The following ADARB2 variants were observed in gnomAD, a reference collection of about 807,000 sequenced individuals.
The protein encoded by ADARB2 is inactive double-stranded RNA-specific editase B2.
Under a neutral mutation model 62.2 loss-of-function variants are expected in ADARB2, and 25 were observed. That is an observed-to-expected ratio of 0.40 (90% CI 0.29 to 0.56). ADARB2 has a LOEUF of 0.56. Ranked by LOEUF, ADARB2 falls within the 20% of genes least tolerant of loss-of-function variation. The pLI is 0.43. For missense variants in ADARB2, 1,071 were observed against 1,077.4 expected, an observed-to-expected ratio of 0.99 and a Z score of 0.08; for synonymous variants, 572 against 500.8, an observed-to-expected ratio of 1.14 and a Z score of -1.90.
intron 1 of ADARB2, among the ~76,000 whole-genome samples, chr10:1,486,513 T>A (rs1202925950): frequency 6.6e-6 from 1 of 152,198 alleles, no homozygotes; most frequent in Non-Finnish European, 1.5e-5. Context: ...CCAGAGTTAA[T>A]CAAGCTAGGT....
In ADARB2 at chr10:1,177,986, C is replaced by A. The variant is rs1466773423; in HGVS notation, c.*5207G>T. The A allele has an allele frequency of 3.3e-5, 5 of 152,198 alleles. No homozygotes were observed. The highest frequency in any genetic ancestry group is 7.3e-5 in the Non-Finnish European group (5 of 68,056). The allele number at this position is 152,198 out of a possible 1,614,324, so 9.4% of individuals were successfully genotyped here. On this transcript the variant is annotated 3_prime_UTR_variant, in exon 10 of 10. Transcript: ENST00000381312. ...GCCGGTCTCAAAAAAGTAAATAGAT[C>A]TCTAGAGATGTGGCCACCAGCGTTC...
At chr10:1,413,750 C>T (rs1220073240) in intron 1 of ADARB2, among the ~76,000 whole-genome samples, 5 of 152,168 alleles carry the variant, frequency 3.3e-5, no homozygotes, top group Non-Finnish European at 7.3e-5. Context: ...GATGATGCTC[C>T]CGGGCACAAT....
chr10:1,644,171 A>G (rs999872583), intron 1 of ADARB2, among the ~76,000 whole-genome samples: 3 of 152,204 alleles, frequency 2.0e-5, no homozygotes, highest in Non-Finnish European at 4.4e-5. Context: ...CTCAAGGATA[A>G]TTTTTAAATG....
chr10:1,648,823 G>A (rs558177778), intron 1 of ADARB2, among the ~76,000 whole-genome samples: 2 of 152,238 alleles, frequency 1.3e-5, no homozygotes, highest in East Asian at 3.9e-4. Flanking sequence ...ATCTTCCATG[G>A]GGTAGGCCAT....
chr10:1,615,079 G>C (rs183409340), intron 1 of ADARB2, among the ~76,000 whole-genome samples: 1 of 152,248 alleles, frequency 6.6e-6, no homozygotes, highest in East Asian at 1.9e-4. Context: ...AGCAAACAAA[G>C]TTACTTCTGT....
intron 1 of ADARB2, among the ~76,000 whole-genome samples, chr10:1,515,995 A>T (rs1378506048): frequency 1.3e-5 from 2 of 152,168 alleles, no homozygotes; most frequent in Non-Finnish European, 2.9e-5. Flanking sequence ...TTGCCTCCAT[A>T]TCTGTGGGCA....
chr10:1,589,250 C>A (rs1020817327), intron 1 of ADARB2, among the ~76,000 whole-genome samples: 1 of 152,234 alleles, frequency 6.6e-6, no homozygotes, highest in Non-Finnish European at 1.5e-5. Flanking sequence ...ACCTACCCAC[C>A]TTCAGCCTGA....
chr10:1,521,392 A>C (rs1832072468), intron 1 of ADARB2, among the ~76,000 whole-genome samples: 1 of 152,164 alleles, frequency 6.6e-6, no homozygotes, highest in African/African-American at 2.4e-5. Flanking sequence ...TTATATACAT[A>C]TTCCCTATGT....
At chr10:1,592,483 C>T (rs1418507334) in intron 1 of ADARB2, among the ~76,000 whole-genome samples, 5 of 19,910 alleles carry the variant, frequency 2.5e-4, no homozygotes, top group Non-Finnish European at 6.3e-4. Context: ...TCCTCTCTGG[C>T]ATGGTCCCCT....
intron 1 of ADARB2, among the ~76,000 whole-genome samples, chr10:1,624,798 T>TA (rs1326266733): frequency 6.6e-6 from 1 of 152,042 alleles, no homozygotes; most frequent in Non-Finnish European, 1.5e-5. Flanking sequence ...TCTTTAAAGG[T>TA]AAAAAAGTAC....
At chr10:1,493,729 C>CTTTTTTTTTTTT (rs555812632) in intron 1 of ADARB2, among the ~76,000 whole-genome samples, 14 of 56,846 alleles carry the variant, frequency 2.5e-4, no homozygotes, top group Non-Finnish European at 3.4e-4. Flanking sequence ...ATATGGCATT[C>CTTTTTTTTTTTT]TTTTTTTTTT....
chr10:1,234,652 G>A (rs771881017), intron 5 of ADARB2, among the ~76,000 whole-genome samples: 5 of 149,212 alleles, frequency 3.4e-5, no homozygotes, highest in Non-Finnish European at 7.4e-5. Context: ...TTGTTGCCCC[G>A]AGTGGTCTGG....
intron 1 of ADARB2, among the ~76,000 whole-genome samples, chr10:1,733,886 C>T (rs1588370629): frequency 6.6e-6 from 1 of 152,234 alleles, no homozygotes. Context: ...TACTATTTTC[C>T]GAACGCCTCT....
At chr10:1,628,160 G>C (rs77557015) in intron 1 of ADARB2, among the ~76,000 whole-genome samples, 1 of 152,232 alleles carries the variant, frequency 6.6e-6, no homozygotes, top group African/African-American at 2.4e-5. Flanking sequence ...AACGGGCGGC[G>C]ATGCATTGCC....
intron 1 of ADARB2, among the ~76,000 whole-genome samples, chr10:1,456,673 A>C (rs931804645): frequency 6.6e-6 from 1 of 152,180 alleles, no homozygotes; most frequent in Non-Finnish European, 1.5e-5. Context: ...CGTGGTAAAA[A>C]GGGTCACTAG....
At chr10:1,625,901 G>C (rs1254496002) in intron 1 of ADARB2, among the ~76,000 whole-genome samples, 1 of 152,156 alleles carries the variant, frequency 6.6e-6, no homozygotes, top group Admixed American at 6.5e-5. Context: ...TCACGCCTCT[G>C]CCTGACCCTG....
chr10:1,372,809 A>C (rs1179450093), intron 2 of ADARB2, among the ~76,000 whole-genome samples: 1 of 152,168 alleles, frequency 6.6e-6, no homozygotes, highest in African/African-American at 2.4e-5. Flanking sequence ...ATAATTGCAT[A>C]CTCATAGTAT....
At chr10:1,554,530 G>A (rs1487664955) in intron 1 of ADARB2, among the ~76,000 whole-genome samples, 1 of 151,968 alleles carries the variant, frequency 6.6e-6, no homozygotes, top group Non-Finnish European at 1.5e-5. Flanking sequence ...TGACGCTGAA[G>A]CACAACTTTC....
intron 1 of ADARB2, among the ~76,000 whole-genome samples, chr10:1,670,720 G>A (rs1054864228): frequency 1.1e-4 from 17 of 152,316 alleles, no homozygotes; most frequent in Middle Eastern, 3.4e-3. Context: ...ACTTAAACAC[G>A]TCACGGAGGC....
Sources: allele counts gnomAD v4.1 joint callset (sites outside exome capture counted in the v4.1 genomes callset), GRCh38; gene constraint gnomAD v4.1.1; transcripts MANE v1.5; gene names NCBI Gene and HGNC (gene_info 2026-07-23, HGNC 2026-07-21).